The following SNPH variants were observed in gnomAD, a reference collection of about 807,000 sequenced individuals.
The protein encoded by SNPH is syntaphilin.
Under a neutral mutation model 36.8 loss-of-function variants are expected in SNPH, and 10 were observed. The observed-to-expected ratio is 0.27, with a 90% CI of 0.17 to 0.46. The LOEUF is 0.46. SNPH is among the 20% of genes least tolerant of loss of function. SNPH has a pLI of 1.00. For missense variants in SNPH, 622 were observed against 744.0 expected (o/e 0.84, Z 1.91); for synonymous variants, 281 against 312.2 (o/e 0.90, Z 1.05).
At chr20:1,267,964 T>G (rs2088028264) in intron 2 of SNPH, among the ~76,000 whole-genome samples, 1 of 152,224 alleles carries the variant, frequency 6.6e-6, no homozygotes, top group African/African-American at 2.4e-5. Context: ...ATAGTGCCTG[T>G]GCCTGGCACA....
At position 1,297,108 on chromosome 20, in the gene SNPH, G is replaced by T. The variant is rs111284915; in HGVS notation, c.183-37G>T. On this transcript the variant is annotated intron_variant, in intron 4 of 6. Transcript: ENST00000381867. ...GCCCAGTGTCCGCAGCTGCCCGCCA[G>T]CCAGAACGAGCACCTGCCTCTTCTT... is the stretch of plus-strand genomic sequence containing the variant. 1,283 of 1,587,280 alleles carry T rather than the reference G, an allele frequency of 8.1e-4. 9 individuals carry two copies. In the African/African-American group the frequency reaches 0.015, roughly 18 times the overall value.
At chr20:1,278,146 A>ATG (rs1161671204) in intron 2 of SNPH, among the ~76,000 whole-genome samples, 2 of 97,254 alleles carry the variant, frequency 2.1e-5, no homozygotes, top group Admixed American at 1.0e-4. Flanking sequence ...GTGTGTGCCT[A>ATG]TGTGTGTGTG....
intron 2 of SNPH, among the ~76,000 whole-genome samples, chr20:1,284,389 C>G (rs919898120): frequency 6.6e-6 from 1 of 152,220 alleles, no homozygotes; most frequent in African/African-American, 2.4e-5. Flanking sequence ...TGGCCTGACA[C>G]TAGTCTAGGC....
At chr20:1,292,105 G>A (rs1265378656) in intron 2 of SNPH, among the ~76,000 whole-genome samples, 1 of 152,222 alleles carries the variant, frequency 6.6e-6, no homozygotes, top group African/African-American at 2.4e-5. Flanking sequence ...CAACAGTTGT[G>A]TGTTGATTGT....
At chr20:1,269,778 C>A (rs1459120132) in intron 2 of SNPH, among the ~76,000 whole-genome samples, 1 of 152,162 alleles carries the variant, frequency 6.6e-6, no homozygotes, top group Non-Finnish European at 1.5e-5. Flanking sequence ...ACAGTCAGGA[C>A]AGACACACTT....
At chr20:1,275,377 A>G (rs952441051) in intron 2 of SNPH, among the ~76,000 whole-genome samples, 3 of 152,124 alleles carry the variant, frequency 2.0e-5, no homozygotes, top group Admixed American at 1.3e-4. Flanking sequence ...ATGGGCCTCG[A>G]TTGCTTTTCT....
chr20:1,277,509 G>C (rs2088147649), intron 2 of SNPH, among the ~76,000 whole-genome samples: 1 of 150,340 alleles, frequency 6.7e-6, no homozygotes, highest in Non-Finnish European at 1.5e-5. Context: ...GTGTGTCCGT[G>C]TGTGTGCCTG....
chr20:1,279,946 C>A (rs2122287838), intron 2 of SNPH, among the ~76,000 whole-genome samples: 1 of 152,252 alleles, frequency 6.6e-6, no homozygotes, highest in South Asian at 2.1e-4. Context: ...TAGAGCTCTC[C>A]AGCCGACCCT....
At chr20:1,284,266 C>G (rs1406791459) in intron 2 of SNPH, among the ~76,000 whole-genome samples, 1 of 152,076 alleles carries the variant, frequency 6.6e-6, no homozygotes, top group Admixed American at 6.6e-5. Context: ...AAGCTTTCTT[C>G]CCCCCCTTTT....
At chr20:1,290,306 C>T (rs76217087) in intron 2 of SNPH, among the ~76,000 whole-genome samples, 5,131 of 152,212 alleles carry the variant, frequency 0.034, 137 homozygotes, top group Middle Eastern at 0.12. Flanking sequence ...ACTTCTAAAA[C>T]GTTTTTTATC....
intron 2 of SNPH, among the ~76,000 whole-genome samples, chr20:1,277,985 GGCGTGTCT>G (rs2088166735): frequency 6.8e-6 from 1 of 147,620 alleles, no homozygotes; most frequent in Admixed American, 6.8e-5. Context: ...CTGTGTGTGT[GGCGTGTCT>G]GTGTGTCTGT....
intron 3 of SNPH, 95 bp downstream of exon 3, chr20:1,295,073 G>A (rs1365313494): frequency 6.6e-6 from 1 of 152,656 alleles, no homozygotes; most frequent in African/African-American, 2.4e-5. Flanking sequence ...GACATCCTCA[G>A]CCAAGTCTCC....
chr20:1,289,396 G>T (rs925864467), intron 2 of SNPH, among the ~76,000 whole-genome samples: 9 of 152,068 alleles, frequency 5.9e-5, no homozygotes, highest in Non-Finnish European at 1.3e-4. Flanking sequence ...GTCAGGTAGA[G>T]GGGGGGCACT....
At chr20:1,284,370 G>A (rs964153214) in intron 2 of SNPH, among the ~76,000 whole-genome samples, 1 of 152,140 alleles carries the variant, frequency 6.6e-6, no homozygotes, top group African/African-American at 2.4e-5. Context: ...ATTTATTGAG[G>A]GCCTGTGGTG....
In SNPH at chr20:1,297,218, T is replaced by A. The variant is rs2088449496; in HGVS notation, c.256T>A (p.Ser86Thr). 1 of 1,613,738 alleles carries A rather than the reference T, an allele frequency of 6.2e-7. No individual in the cohort carries two copies. The highest frequency in any genetic ancestry group is 1.1e-5 in the South Asian group (1 of 91,062). The change falls in exon 5 of 7, where the codon TCC (serine) becomes ACC (threonine). Residue 86 changes from serine (S) to threonine (T), a missense_variant. Ser to Thr is a moderately conservative substitution (Grantham distance 58). Transcript: ENST00000381867. ...GCTCAGCAGCAGCAGCAATTCTGGC[T>A]CCTACAAGGGCAGTGACAGCAGTCC... is the stretch of plus-strand genomic sequence containing the variant. ...SSLSSSSNSG[S>T]YKGSDSSPTP...
intron 2 of SNPH, among the ~76,000 whole-genome samples, chr20:1,275,448 A>G (rs934616810): frequency 1.3e-5 from 2 of 152,200 alleles, no homozygotes; most frequent in African/African-American, 4.8e-5. Flanking sequence ...CATGTCGGGC[A>G]CAGGGGATAT....
intron 2 of SNPH, among the ~76,000 whole-genome samples, chr20:1,267,675 A>G (rs958667172): frequency 1.3e-5 from 2 of 152,342 alleles, no homozygotes; most frequent in Admixed American, 1.3e-4. Flanking sequence ...CAGCTTTTAC[A>G]TGTCAGGGGG....
At chr20:1,270,079 C>T (rs935543774) in intron 2 of SNPH, among the ~76,000 whole-genome samples, 1 of 152,200 alleles carries the variant, frequency 6.6e-6, no homozygotes, top group African/African-American at 2.4e-5. Context: ...CAAGAGTTCC[C>T]ATCCCTCAAA....
intron 5 of SNPH, among the ~76,000 whole-genome samples, chr20:1,298,037 G>A (rs1291533632): frequency 6.6e-6 from 1 of 152,212 alleles, no homozygotes; most frequent in African/African-American, 2.4e-5. Context: ...TAGGGGAGCT[G>A]TAGGTCCTTG....
Sources: allele counts gnomAD v4.1 joint callset (sites outside exome capture counted in the v4.1 genomes callset), GRCh38; gene constraint gnomAD v4.1.1; transcripts MANE v1.5; gene names NCBI Gene and HGNC (gene_info 2026-07-23, HGNC 2026-07-21).